TUSC3: variants seen among roughly 807,000 people sequenced by gnomAD.
TUSC3 encodes the protein dolichyl-diphosphooligosaccharide--protein glycosyltransferase subunit TUSC3.
TUSC3 carries 45 observed loss-of-function variants against 44.8 expected under a neutral mutation model. That is an observed-to-expected ratio of 1.00 (90% CI 0.79 to 1.29). The LOEUF (loss-of-function observed/expected upper bound fraction) is 1.29. TUSC3 is among the 50% of genes most tolerant of loss of function. The pLI, the probability that TUSC3 is intolerant of heterozygous loss-of-function variation, is 0.00. For synonymous variants in TUSC3, 212 were observed against 152.9 expected (o/e 1.39, Z -2.85); for missense variants, 519 against 437.9 (o/e 1.19, Z -1.65).
rs992457631 is a variant in TUSC3 at position 15,435,041 on chromosome 8, G to A, written n.91+17736G>A. On this transcript the variant is annotated intron_variant and non_coding_transcript_variant, in intron 1 of 5. Coordinates refer to the TUSC3 transcript ENST00000503191. ...AGCAGCATGATTTATAATCCTTTGG[G>A]TATATACCCAGTAATGGGATGGCTG... Among the ~76,000 whole-genome samples the A allele has an allele frequency of 2.0e-4, 30 of 148,002 alleles. 1 individual carries two copies. Among genetic ancestry groups the A allele is most frequent in the African/African-American group, 7.3e-4 (28 of 38,194 alleles).
upstream of TUSC3, among the ~76,000 whole-genome samples, chr8:15,538,011 C>G (rs1353739155): frequency 6.6e-6 from 1 of 152,094 alleles, no homozygotes; most frequent in African/African-American, 2.4e-5. Context: ...AAGTGGAGCT[C>G]TTATGTACGC....
At chr8:15,547,119 T>G (rs1302272227) in intron 1 of TUSC3, among the ~76,000 whole-genome samples, 1 of 151,784 alleles carries the variant, frequency 6.6e-6, no homozygotes, top group African/African-American at 2.4e-5. Context: ...GTTTGATATT[T>G]GAAGGTGAAA....
At chr8:15,799,477 G>T in the TUSC3 span, among the ~76,000 whole-genome samples, 1 of 152,148 alleles carries the variant, frequency 6.6e-6, no homozygotes, top group Non-Finnish European at 1.5e-5. Context: ...CTGCCTGGAG[G>T]AGTTGACAAC....
chr8:15,439,100 A>G (rs1226858290), intron 1 of TUSC3, among the ~76,000 whole-genome samples: 3 of 152,130 alleles, frequency 2.0e-5, no homozygotes, highest in Non-Finnish European at 4.4e-5. Context: ...ACTCGTCCAT[A>G]TACATCCATC....
At chr8:15,661,849 C>A (rs1349097373) in intron 4 of TUSC3, among the ~76,000 whole-genome samples, 1 of 151,376 alleles carries the variant, frequency 6.6e-6, no homozygotes, top group East Asian at 1.9e-4. Context: ...AAGAGAAAAC[C>A]CAATTCAAAA....
rs537011155 is a variant in TUSC3 at position 15,662,153 on chromosome 8, C to T, written c.568-3C>T. 43 of 1,612,318 alleles carry T rather than the reference C, an allele frequency of 2.7e-5. No homozygotes were observed. The highest frequency in any genetic ancestry group is 1.6e-4 in the South Asian group (15 of 90,964). ...TTTTGAAATTTCTATTGCATTTTTG[C>T]AGATTCGGGTTTTCAGACCACCCAA... On this transcript the variant is annotated splice_polypyrimidine_tract_variant and splice_region_variant and intron_variant, in intron 4 of 10. Coordinates refer to ENST00000503731, the MANE Select transcript of TUSC3 (RefSeq NM_006765.4).
chr8:15,743,998 G>A (rs1811303112), intron 8 of TUSC3, among the ~76,000 whole-genome samples: 1 of 152,066 alleles, frequency 6.6e-6, no homozygotes, highest in African/African-American at 2.4e-5. Context: ...AAGAATCAGG[G>A]GTGCGCTCAA....
chr8:15,455,045 T>C (rs925656908), intron 1 of TUSC3, among the ~76,000 whole-genome samples: 1 of 152,032 alleles, frequency 6.6e-6, no homozygotes, highest in African/African-American at 2.4e-5. Flanking sequence ...TTTGAGATCT[T>C]TGGGGAAGAT....
chr8:15,549,258 C>G (rs1165949363), intron 1 of TUSC3, among the ~76,000 whole-genome samples: 4 of 151,750 alleles, frequency 2.6e-5, no homozygotes, highest in Admixed American at 1.3e-4. Context: ...ATTGCAACCC[C>G]TGCCTCCCGG....
chr8:15,587,870 C>T (rs1474419796), intron 1 of TUSC3, among the ~76,000 whole-genome samples: 1 of 152,070 alleles, frequency 6.6e-6, no homozygotes, highest in East Asian at 1.9e-4. Context: ...TCTCTGGGCT[C>T]ATCCATATTG....
chr8:15,810,308 C>A, the TUSC3 span, among the ~76,000 whole-genome samples: 2 of 152,090 alleles, frequency 1.3e-5, no homozygotes, highest in Non-Finnish European at 2.9e-5. Context: ...TTCCTCCTTG[C>A]CAATTCACTA....
chr8:15,690,873 A>T (rs1808871443), intron 6 of TUSC3, among the ~76,000 whole-genome samples: 1 of 151,674 alleles, frequency 6.6e-6, no homozygotes, highest in Non-Finnish European at 1.5e-5. Context: ...CTATATTTGT[A>T]CCGGTACAAT....
intron 1 of TUSC3, among the ~76,000 whole-genome samples, chr8:15,467,593 T>C (rs1800430276): frequency 6.6e-6 from 1 of 152,126 alleles, no homozygotes. Flanking sequence ...TAAAGCCTTT[T>C]CTCATTTGCG....
chr8:15,514,112 C>T (rs1459713383), intron 2 of TUSC3, among the ~76,000 whole-genome samples: 1 of 152,152 alleles, frequency 6.6e-6, no homozygotes, highest in Non-Finnish European at 1.5e-5. Flanking sequence ...GAGGTGCTTT[C>T]TGTTAGTGTA....
the TUSC3 span, among the ~76,000 whole-genome samples, chr8:15,843,470 T>C: frequency 6.6e-6 from 1 of 151,958 alleles, no homozygotes; most frequent in South Asian, 2.1e-4. Context: ...GATGAATTTA[T>C]AGCAATGGGT....
At chr8:15,675,944 A>T (rs369732697) in intron 6 of TUSC3, among the ~76,000 whole-genome samples, 4 of 152,120 alleles carry the variant, frequency 2.6e-5, no homozygotes, top group African/African-American at 9.7e-5. Context: ...TCCTTTGGGT[A>T]TATACCAGCA....
At chr8:15,541,961 G>A (rs927728284) in intron 1 of TUSC3, among the ~76,000 whole-genome samples, 1 of 151,372 alleles carries the variant, frequency 6.6e-6, no homozygotes, top group African/African-American at 2.4e-5. Flanking sequence ...TCATTTGAAG[G>A]GTGTGAACCC....
chr8:15,719,513 A>AC (rs1251707654), intron 6 of TUSC3, among the ~76,000 whole-genome samples: 7 of 36,748 alleles, frequency 1.9e-4, no homozygotes, highest in East Asian at 1.7e-3. Flanking sequence ...ACACACACAC[A>AC]CACCACACAC....
the TUSC3 span, among the ~76,000 whole-genome samples, chr8:15,794,502 G>A: frequency 4.6e-5 from 7 of 152,100 alleles, 1 homozygote; most frequent in East Asian, 3.9e-4. Context: ...CTTGCAATCC[G>A]GCAACTTAGC....
Sources: gnomAD v4.1 joint callset for allele counts (sites outside exome capture counted in the v4.1 genomes callset) on GRCh38, gnomAD v4.1.1 for gene constraint, MANE v1.5 for transcripts, NCBI Gene and HGNC (gene_info 2026-07-23, HGNC 2026-07-21) for gene names.